Variants in FMNL2 observed in about 807,000 individuals in gnomAD.
The protein encoded by FMNL2 is formin-like protein 2.
A neutral mutation model predicts 130.2 loss-of-function variants in FMNL2; 51 were observed. The observed-to-expected ratio is 0.39, with a 90% CI of 0.31 to 0.49. The LOEUF is 0.49. Among genes scored for constraint, FMNL2 ranks in the 20% least tolerant of loss-of-function variants. FMNL2 has a pLI of 0.85. For synonymous variants in FMNL2, 465 were observed against 467.1 expected, an observed-to-expected ratio of 1.00 and a Z score of 0.06; for missense variants, 977 against 1,316.2, an observed-to-expected ratio of 0.74 and a Z score of 3.99.
At chr2:152,424,869 T>G (rs76014924) in intron 1 of FMNL2, among the ~76,000 whole-genome samples, 3,652 of 152,312 alleles carry the variant, frequency 0.024, 135 homozygotes, top group African/African-American at 0.084. Context: ...TATTAAAAAT[T>G]GGAAAAGCCA....
At chr2:152,564,051 A>G (rs950005782) in intron 6 of FMNL2, among the ~76,000 whole-genome samples, 2 of 152,178 alleles carry the variant, frequency 1.3e-5, no homozygotes, top group African/African-American at 4.8e-5. Context: ...GCCATACTAG[A>G]ATAAAGCCTG....
chr2:152,338,772 C>T (rs1681619977), intron 1 of FMNL2, among the ~76,000 whole-genome samples: 1 of 150,856 alleles, frequency 6.6e-6, no homozygotes, highest in South Asian at 2.1e-4. Context: ...TACATTTAAA[C>T]CATTTGCTTC....
chr2:152,641,821 A>G (rs1683105705), intron 25 of FMNL2, among the ~76,000 whole-genome samples: 1 of 152,232 alleles, frequency 6.6e-6, no homozygotes, highest in African/African-American at 2.4e-5. Context: ...AATAAAAACA[A>G]AAACATACTT....
intron 1 of FMNL2, among the ~76,000 whole-genome samples, chr2:152,482,962 GC>G (rs758029943): frequency 5.3e-5 from 8 of 152,002 alleles, no homozygotes; most frequent in Non-Finnish European, 1.2e-4. Context: ...TGAGTCAGAG[GC>G]TTATCTCTCT....
chr2:152,533,729 C>T (rs1211341357), intron 2 of FMNL2, among the ~76,000 whole-genome samples: 1 of 151,972 alleles, frequency 6.6e-6, no homozygotes, highest in East Asian at 1.9e-4. Context: ...AATATTGACT[C>T]TTCTGATCTA....
intron 1 of FMNL2, among the ~76,000 whole-genome samples, chr2:152,408,401 A>G (rs1686113547): frequency 6.6e-6 from 1 of 152,224 alleles, no homozygotes; most frequent in African/African-American, 2.4e-5. Context: ...TAAAGCTTCC[A>G]GGGAGTGAGA....
At chr2:152,589,377 T>G (rs1277610808) in intron 9 of FMNL2, among the ~76,000 whole-genome samples, 1 of 152,184 alleles carries the variant, frequency 6.6e-6, no homozygotes, top group Non-Finnish European at 1.5e-5. Context: ...GTTATTTCTA[T>G]TCCTATAAAA....
At chr2:152,447,979 T>G (rs970088845) in intron 1 of FMNL2, among the ~76,000 whole-genome samples, 1 of 152,218 alleles carries the variant, frequency 6.6e-6, no homozygotes, top group African/African-American at 2.4e-5. Flanking sequence ...CTTTAGTTTT[T>G]AATACTTAAC....
At chr2:152,355,732 A>G (rs1207991603) in intron 1 of FMNL2, among the ~76,000 whole-genome samples, 2 of 152,172 alleles carry the variant, frequency 1.3e-5, no homozygotes, top group Non-Finnish European at 2.9e-5. Context: ...AATGATTTCC[A>G]GCACTGCTCT....
Position 152,374,747 on chromosome 2 carries a change from A to C in FMNL2, c.117+39027A>C, listed in dbSNP as rs567747315. On this transcript the variant is annotated intron_variant, in intron 1 of 25. Coordinates refer to ENST00000288670, the MANE Select transcript of FMNL2 (RefSeq NM_052905.4). ...TTTGAATATGCATTTAGATGAGGCCAACTGGCTGCTAGATCATCGTCTAAT... is the reference window on the plus strand; with the variant it reads ...TTTGAATATGCATTTAGATGAGGCCCACTGGCTGCTAGATCATCGTCTAAT... Among the ~76,000 whole-genome samples, 7 of 152,322 alleles carry C rather than the reference A, an allele frequency of 4.6e-5. No individual in the cohort carries two copies. In the East Asian group the frequency reaches 1.4e-3, roughly 29 times the overall value.
chr2:152,399,745 G>A (rs1396383189), intron 1 of FMNL2, among the ~76,000 whole-genome samples: 4 of 152,152 alleles, frequency 2.6e-5, no homozygotes, highest in Non-Finnish European at 2.9e-5. Flanking sequence ...CTTTGCAATC[G>A]ATTCGATTGA....
At chr2:152,458,202 G>A (rs1689057755) in intron 1 of FMNL2, among the ~76,000 whole-genome samples, 1 of 152,114 alleles carries the variant, frequency 6.6e-6, no homozygotes, top group Non-Finnish European at 1.5e-5. Context: ...AGTTGAATGG[G>A]CCTCTATATT....
intron 1 of FMNL2, among the ~76,000 whole-genome samples, chr2:152,457,751 C>T (rs1455875671): frequency 1.3e-5 from 2 of 152,220 alleles, no homozygotes; most frequent in African/African-American, 4.8e-5. Context: ...ATGGGTCCCA[C>T]TGGGCTAAAA....
At chr2:152,573,768 G>A (rs1306273342) in intron 6 of FMNL2, among the ~76,000 whole-genome samples, 1 of 152,020 alleles carries the variant, frequency 6.6e-6, no homozygotes, top group African/African-American at 2.4e-5. Flanking sequence ...AAAAACTTTA[G>A]CTCTATTGTT....
chr2:152,524,911 A>G (rs1000801348), intron 2 of FMNL2, among the ~76,000 whole-genome samples: 7 of 152,114 alleles, frequency 4.6e-5, no homozygotes, highest in African/African-American at 1.7e-4. Context: ...ATCCCAAGCC[A>G]CTCTGACTTT....
intron 1 of FMNL2, among the ~76,000 whole-genome samples, chr2:152,355,545 G>A (rs1170856841): frequency 6.6e-6 from 1 of 152,174 alleles, no homozygotes; most frequent in Non-Finnish European, 1.5e-5. Context: ...TGTGCTGCAT[G>A]TAGTCCTTCT....
chr2:152,552,308 T>C (rs1694977749), intron 4 of FMNL2, among the ~76,000 whole-genome samples: 1 of 152,214 alleles, frequency 6.6e-6, no homozygotes, highest in East Asian at 1.9e-4. Flanking sequence ...TATACATCTC[T>C]TATATATATC....
At chr2:152,355,471 A>AT (rs1293527886) in intron 1 of FMNL2, among the ~76,000 whole-genome samples, 1 of 151,922 alleles carries the variant, frequency 6.6e-6, no homozygotes, top group African/African-American at 2.4e-5. Context: ...TTTAGGAGTA[A>AT]TTTTTTTAGG....
intron 9 of FMNL2, among the ~76,000 whole-genome samples, chr2:152,606,728 A>G (rs990728310): frequency 4.4e-5 from 6 of 135,440 alleles, no homozygotes; most frequent in Admixed American, 3.4e-4. Context: ...TGTTTGTTTC[A>G]TCTGATCAAT....
Sources: gnomAD v4.1 joint callset for allele counts (sites outside exome capture counted in the v4.1 genomes callset) on GRCh38, gnomAD v4.1.1 for gene constraint, MANE v1.5 for transcripts, NCBI Gene and HGNC (gene_info 2026-07-23, HGNC 2026-07-21) for gene names.